The following APOO variants were observed in gnomAD, a reference collection of about 807,000 sequenced individuals.
APOO encodes the protein MICOS complex subunit MIC26.
Under a neutral mutation model 23.1 loss-of-function variants are expected in APOO, and 11 were observed. The ratio of observed to expected loss-of-function variants is 0.48; its 90% CI spans 0.30 to 0.79. The LOEUF is 0.79. Among genes scored for constraint, APOO ranks in the 30% least tolerant of loss-of-function variants. The pLI is 0.07. For missense variants in APOO, 160 were observed against 142.7 expected (o/e 1.12, Z -0.62); for synonymous variants, 59 against 54.8 (o/e 1.08, Z -0.34).
intron 1 of APOO, among the ~76,000 whole-genome samples, chrX:23,897,756 G>C (rs1272106744): frequency 9.0e-6 from 1 of 111,224 alleles, no homozygotes; most frequent in Admixed American, 9.6e-5. Flanking sequence ...GGGAGGCCGA[G>C]GTGGGCGGAT....
chrX:23,900,746 G>A (rs1399282516), intron 1 of APOO, among the ~76,000 whole-genome samples: 2 of 109,535 alleles, frequency 1.8e-5, no homozygotes, highest in Non-Finnish European at 3.8e-5. Context: ...ACCTGAGGCT[G>A]AAAAGATTGC....
chrX:23,856,336 A>C lies in APOO; in HGVS notation c.527T>G (p.Val176Gly). 1 of 1,210,461 alleles carries C rather than the reference A, an allele frequency of 8.3e-7. No homozygotes were observed. The highest frequency in any genetic ancestry group is 1.8e-5 in the South Asian group (1 of 56,825). Reference sequence around the variant, plus strand: ...GTTCTCCTTCCACAAATCTTCTATGACTATATATCCTCGTAAACCCCAGTC... The same window carrying C: ...GTTCTCCTTCCACAAATCTTCTATGCCTATATATCCTCGTAAACCCCAGTC... ...LYDWGLRGYI[V>G]IEDLWKENFQ... The change falls in exon 7 of 9, where the codon GTC becomes GGC. Residue 176 changes from valine (V) to glycine (G), a missense_variant. Transcript: ENST00000379226.
At chrX:23,861,950 C>G (rs971870709) in intron 5 of APOO, among the ~76,000 whole-genome samples, 15 of 109,527 alleles carry the variant, frequency 1.4e-4, no homozygotes, top group Middle Eastern at 9.3e-3. Context: ...ATTACAGACA[C>G]CCTCCACCAC....
intron 5 of APOO, among the ~76,000 whole-genome samples, chrX:23,867,109 TAAACGAAACG>T (rs57271337): frequency 0.024 from 2,523 of 104,312 alleles, 80 homozygotes; most frequent in African/African-American, 0.079. Context: ...CAAATTAAGC[TAAACGAAACG>T]AAACGAAACG....
intron 3 of APOO, 135 bp from the exon 4 acceptor site, chrX:23,874,592 T>C (rs1349220409): frequency 2.0e-6 from 1 of 491,181 alleles, no homozygotes; most frequent in Non-Finnish European, 3.4e-6. Context: ...GGATACACTG[T>C]CTGTCTGGGT....
At chrX:23,887,037 G>A (rs1471975412) in intron 1 of APOO, among the ~76,000 whole-genome samples, 1 of 109,270 alleles carries the variant, frequency 9.2e-6, no homozygotes, top group Non-Finnish European at 1.9e-5. Context: ...CAACTTTCAG[G>A]GTCTGGGACA....
chrX:23,850,744 T>G (rs954552054), intron 7 of APOO, among the ~76,000 whole-genome samples: 1 of 111,539 alleles, frequency 9.0e-6, no homozygotes, highest in Non-Finnish European at 1.9e-5. Flanking sequence ...GGAGAATTGC[T>G]TGAACCCAGC....
chrX:23,881,688 A>G (rs1446977582), intron 1 of APOO, among the ~76,000 whole-genome samples: 2 of 103,706 alleles, frequency 1.9e-5, no homozygotes, highest in Middle Eastern at 8.6e-3. Context: ...TAATCCCAGC[A>G]CTTTGGAAGG....
At chrX:23,905,514 C>A (rs548051591) in intron 1 of APOO, among the ~76,000 whole-genome samples, 1 of 111,231 alleles carries the variant, frequency 9.0e-6, no homozygotes, top group Non-Finnish European at 1.9e-5. Flanking sequence ...ATGTTCCCCA[C>A]CCCTTTTACC....
intron 1 of APOO, among the ~76,000 whole-genome samples, chrX:23,899,398 C>G (rs1454869587): frequency 8.9e-6 from 1 of 112,208 alleles, no homozygotes; most frequent in East Asian, 2.8e-4. Flanking sequence ...GTTTAAAAAC[C>G]TACCACATTA....
At chrX:23,902,118 C>A (rs997903114) in intron 1 of APOO, among the ~76,000 whole-genome samples, 1 of 111,536 alleles carries the variant, frequency 9.0e-6, no homozygotes, top group Non-Finnish European at 1.9e-5. Flanking sequence ...CCTAGAGATT[C>A]TTGATGTCAT....
At chrX:23,877,730 C>T (rs547820982) in intron 3 of APOO, among the ~76,000 whole-genome samples, 1 of 106,635 alleles carries the variant, frequency 9.4e-6, no homozygotes, top group Non-Finnish European at 1.9e-5. Context: ...GCTGAGAGCA[C>T]GCTACTGCAC....
intron 4 of APOO, among the ~76,000 whole-genome samples, chrX:23,871,312 G>A (rs1925610887): frequency 9.9e-6 from 1 of 100,916 alleles, no homozygotes; most frequent in Non-Finnish European, 2.0e-5. Context: ...GTAGTGAGCC[G>A]AGACCGCGCC....
chrX:23,867,661 G>GA (rs1313164717), intron 5 of APOO, among the ~76,000 whole-genome samples: 1 of 111,076 alleles, frequency 9.0e-6, no homozygotes, highest in Non-Finnish European at 1.9e-5. Flanking sequence ...TCCTGCCTCA[G>GA]CCTCCCGAGT....
chrX:23,869,440 T>C (rs2147002584), intron 4 of APOO, among the ~76,000 whole-genome samples: 1 of 109,387 alleles, frequency 9.1e-6, no homozygotes, highest in African/African-American at 3.3e-5. Context: ...GCTTTGCTGC[T>C]TGCTCTCTGA....
rs761397682 is a variant in APOO, at chrX:23,878,550, T to C, written c.237+365A>G. 1.3e-3 allele frequency among the ~76,000 whole-genome samples: 146 copies of C among 112,431 alleles called. 1 individual carries two copies. Among genetic ancestry groups the C allele is most frequent in the Non-Finnish European group, 2.2e-3 (119 of 53,294 alleles). ...GAGATGTGTTGACACAGGCATGCAA[T>C]GTGAAATAAGCACAATATGGAGAAT... On this transcript the variant is annotated intron_variant, in intron 3 of 8. Transcript: ENST00000379226.
At chrX:23,859,078 C>T (rs767989074) in intron 5 of APOO, among the ~76,000 whole-genome samples, 1 of 111,703 alleles carries the variant, frequency 9.0e-6, no homozygotes, top group East Asian at 2.8e-4. Flanking sequence ...TAAACTCCAG[C>T]CTGGGTGACA....
intron 4 of APOO, among the ~76,000 whole-genome samples, chrX:23,868,901 CTTT>C (rs1925466566): frequency 9.3e-6 from 1 of 107,961 alleles, no homozygotes; most frequent in African/African-American, 3.4e-5. Context: ...GTCCAATTTT[CTTT>C]TCTTTCTTTT....
chrX:23,859,280 A>G (rs1319624251), intron 5 of APOO, among the ~76,000 whole-genome samples: 1 of 111,781 alleles, frequency 8.9e-6, no homozygotes, highest in Non-Finnish European at 1.9e-5. Context: ...GGCTTTTAGT[A>G]TATTGACAGA....
Sources: allele counts gnomAD v4.1 joint callset (sites outside exome capture counted in the v4.1 genomes callset), GRCh38; gene constraint gnomAD v4.1.1; transcripts MANE v1.5; gene names NCBI Gene and HGNC (gene_info 2026-07-23, HGNC 2026-07-21).